LRCH1: variants seen among roughly 807,000 people sequenced by gnomAD.
LRCH1 encodes leucine rich repeats and calponin homology domain containing 1.
LRCH1 carries 23 observed loss-of-function variants against 94.9 expected under a neutral mutation model. The ratio of observed to expected loss-of-function variants is 0.24; its 90% CI spans 0.17 to 0.34. The LOEUF (loss-of-function observed/expected upper bound fraction) is 0.34, where lower values mean the gene tolerates loss of function less well. LRCH1 is among the 10% of genes least tolerant of loss of function. LRCH1 has a pLI of 1.00. For synonymous variants in LRCH1, 364 were observed against 354.9 expected (o/e 1.03, Z -0.29); for missense variants, 790 against 945.9 (o/e 0.84, Z 2.16).
chr13:46,649,154 C>G (rs1279075190), intron 1 of LRCH1, among the ~76,000 whole-genome samples: 1 of 152,150 alleles, frequency 6.6e-6, no homozygotes, highest in Non-Finnish European at 1.5e-5. Context: ...TCTTTAACAT[C>G]TATTTCATCT....
chr13:46,704,063 C>G (rs564576008), intron 11 of LRCH1, among the ~76,000 whole-genome samples: 1 of 152,054 alleles, frequency 6.6e-6, no homozygotes, highest in African/African-American at 2.4e-5. Context: ...CTAAAATAAT[C>G]CACTACTTTG....
At chr13:46,654,945 A>G (rs1033319660) in intron 2 of LRCH1, among the ~76,000 whole-genome samples, 2 of 152,196 alleles carry the variant, frequency 1.3e-5, no homozygotes, top group African/African-American at 4.8e-5. Context: ...ACCTCACTGT[A>G]TTTAGATTTT....
At chr13:46,618,547 CA>C (rs1042150331) in intron 1 of LRCH1, among the ~76,000 whole-genome samples, 3 of 152,018 alleles carry the variant, frequency 2.0e-5, no homozygotes, top group African/African-American at 7.3e-5. Context: ...ATAGTGGCTG[CA>C]AAAAAACTTA....
chr13:46,750,593 G>A (rs1874085162), exon 19 of LRCH1: 5 of 1,551,880 alleles, frequency 3.2e-6, no homozygotes, highest in South Asian at 1.2e-5. Flanking sequence ...TGGTCAAAGT[G>A]GGCATTACCA....
At chr13:46,641,786 C>T (rs1017947156) in intron 1 of LRCH1, among the ~76,000 whole-genome samples, 7 of 152,196 alleles carry the variant, frequency 4.6e-5, no homozygotes, top group African/African-American at 9.7e-5. Flanking sequence ...TGCTTCCAAT[C>T]GTGCTGACTG....
At chr13:46,691,137 C>T (rs77443472) in intron 7 of LRCH1, among the ~76,000 whole-genome samples, 2,671 of 152,278 alleles carry the variant, frequency 0.018, 66 homozygotes, top group East Asian at 0.073. Context: ...TAGGAGCAAG[C>T]CACAATCTCC....
intron 1 of LRCH1, among the ~76,000 whole-genome samples, chr13:46,574,185 T>C (rs1218635601): frequency 2.6e-5 from 4 of 151,854 alleles, no homozygotes; most frequent in Admixed American, 6.6e-5. Context: ...AAATATAATT[T>C]TACAGTAACC....
chr13:46,664,587 T>C (rs1196788785), intron 2 of LRCH1, among the ~76,000 whole-genome samples: 2 of 152,146 alleles, frequency 1.3e-5, no homozygotes, highest in Non-Finnish European at 2.9e-5. Context: ...ATTCACACAA[T>C]AACACAATGG....
chr13:46,698,926 C>G (rs989669828), intron 9 of LRCH1, among the ~76,000 whole-genome samples: 1 of 152,150 alleles, frequency 6.6e-6, no homozygotes, highest in African/African-American at 2.4e-5. Context: ...CAAAACTGAC[C>G]CTGTGTACCC....
intron 1 of LRCH1, among the ~76,000 whole-genome samples, chr13:46,607,933 T>C (rs1281859604): frequency 6.6e-6 from 1 of 152,076 alleles, no homozygotes; most frequent in East Asian, 1.9e-4. Context: ...TAATTACTGA[T>C]TTGTATGAAG....
intron 2 of LRCH1, among the ~76,000 whole-genome samples, chr13:46,665,445 CT>C (rs2051502135): frequency 2.0e-5 from 3 of 152,294 alleles, no homozygotes; most frequent in Admixed American, 2.0e-4. Context: ...CAAATTTAGG[CT>C]GCCAAGAATG....
At chr13:46,735,341 G>A (rs1287773621) in intron 19 of LRCH1, among the ~76,000 whole-genome samples, 1 of 152,148 alleles carries the variant, frequency 6.6e-6, no homozygotes, top group Non-Finnish European at 1.5e-5. Flanking sequence ...TTTCCCATGT[G>A]TGAATCAAAA....
intron 3 of LRCH1, chr13:46,680,141 T>C (rs896133037): frequency 2.6e-5 from 4 of 152,238 alleles, no homozygotes; most frequent in Admixed American, 6.5e-5. Flanking sequence ...TTTGTATCTT[T>C]AGTTCTGTGA....
intron 1 of LRCH1, among the ~76,000 whole-genome samples, chr13:46,583,383 C>A (rs761243896): frequency 3.3e-5 from 5 of 152,172 alleles, no homozygotes; most frequent in Non-Finnish European, 7.4e-5. Context: ...TAAATTAAGT[C>A]AATGATCTAT....
At chr13:46,587,190 A>G (rs563267128) in intron 1 of LRCH1, among the ~76,000 whole-genome samples, 1 of 152,342 alleles carries the variant, frequency 6.6e-6, no homozygotes, top group Admixed American at 6.5e-5. Context: ...TCTTATTTCC[A>G]TTAGCCCTGA....
chr13:46,596,131 A>G (rs937659728), intron 1 of LRCH1, among the ~76,000 whole-genome samples: 2 of 152,224 alleles, frequency 1.3e-5, no homozygotes, highest in African/African-American at 4.8e-5. Flanking sequence ...TTGGATGGTT[A>G]TCATAGATGA....
At chr13:46,718,319 T>G (rs1266549711) in intron 16 of LRCH1, among the ~76,000 whole-genome samples, 2 of 152,204 alleles carry the variant, frequency 1.3e-5, no homozygotes, top group African/African-American at 2.4e-5. Flanking sequence ...TCCTTAATTT[T>G]TTACAGTAAT....
At chr13:46,554,342 C>T (rs1044000528) in intron 1 of LRCH1, among the ~76,000 whole-genome samples, 7 of 152,222 alleles carry the variant, frequency 4.6e-5, no homozygotes, top group Admixed American at 1.3e-4. Context: ...AAAGAGCCGC[C>T]GGGCTTGTAG....
intron 1 of LRCH1, among the ~76,000 whole-genome samples, chr13:46,599,780 C>T (rs753689707): frequency 5.9e-4 from 90 of 152,288 alleles, no homozygotes; most frequent in Middle Eastern, 3.4e-3. Flanking sequence ...ACTGTGGCCA[C>T]AGCCTAGTAG....
Sources: gnomAD v4.1 joint callset for allele counts (sites outside exome capture counted in the v4.1 genomes callset) on GRCh38, gnomAD v4.1.1 for gene constraint, MANE v1.5 for transcripts, NCBI Gene and HGNC (gene_info 2026-07-23, HGNC 2026-07-21) for gene names.